The following TRIP11 variants were observed in gnomAD, a reference collection of about 807,000 sequenced individuals.
TRIP11 encodes thyroid hormone receptor interactor 11.
TRIP11 carries 148 observed loss-of-function variants against 223.1 expected under a neutral mutation model. The observed-to-expected ratio is 0.66, with a 90% CI of 0.58 to 0.76. The LOEUF (loss-of-function observed/expected upper bound fraction) is 0.76. TRIP11 is among the 30% of genes least tolerant of loss of function. The probability of loss-of-function intolerance (pLI) is 0.00; values close to 1 mark genes in which losing one functional copy is unlikely to be tolerated. For synonymous variants in TRIP11, 762 were observed against 772.6 expected (o/e 0.99, Z 0.23); for missense variants, 2,043 against 2,222.0 (o/e 0.92, Z 1.62).
chr14:91,996,045 T>C (rs764777311), intron 13 of TRIP11, among the ~76,000 whole-genome samples: 8 of 152,222 alleles, frequency 5.3e-5, no homozygotes, highest in Admixed American at 2.0e-4. Context: ...AAGTGTACAG[T>C]TCAGTGGCAC....
rs147350763 is a variant in TRIP11, at chr14:92,014,440, T to C, written c.961A>G (p.Lys321Glu). 1.5e-5 allele frequency: 24 copies of C among 1,604,470 alleles called. No individual in the cohort carries two copies. The African/African-American group carries it at 2.0e-4, about 13-fold the overall frequency. ...LEDKIKDINK[K>E]LSSAENDRDI... is the part of the protein sequence containing the mutation. Reference sequence around the variant, plus strand: ...CTGTCATTTTCTGCAGAAGATAATTTTTTATTTATATCTTTTATTTTATCC... The same window carrying C: ...CTGTCATTTTCTGCAGAAGATAATTCTTTATTTATATCTTTTATTTTATCC... Residue 321 changes from lysine to glutamate, a missense_variant, in exon 7 of 21, where the codon AAA becomes GAA. By Grantham distance (56) the Lys-to-Glu change is moderately conservative (BLOSUM62 1). Transcript: ENST00000267622.
rs577338541 is a variant in TRIP11 at position 91,978,705 on chromosome 14, C to T, written c.5261-2516G>A. On this transcript the variant is annotated intron_variant, in intron 16 of 20. Transcript: ENST00000267622. This position sits in a 1 kb window ranked among gnomAD's most constrained non-coding sequence, Gnocchi z 4.4. ...GTAGAGATGGGGTCTCACGATATTG[C>T]CTGGGCTGATCTCAAACTCCTGCGT... 2.6e-5 allele frequency among the ~76,000 whole-genome samples: 4 copies of T among 152,180 alleles called. No individual in the cohort carries two copies. The highest frequency in any genetic ancestry group is 1.5e-5 in the Non-Finnish European group (1 of 68,008).
intron 15 of TRIP11, among the ~76,000 whole-genome samples, chr14:91,990,800 G>C (rs2056662182): frequency 6.6e-6 from 1 of 152,184 alleles, no homozygotes; most frequent in Non-Finnish European, 1.5e-5. Flanking sequence ...AACAAAGCAA[G>C]ACTCTGTCTC....
In TRIP11 at chr14:91,992,845, T is replaced by C. The variant is rs915063076; in HGVS notation, c.5160+964A>G. Among the ~76,000 whole-genome samples, 11 of 133,914 alleles carry C rather than the reference T, an allele frequency of 8.2e-5. No individual in the cohort carries two copies. The South Asian group carries it at 1.6e-3, about 19-fold the overall frequency. The allele number at this position is 133,914 out of a possible 152,430, so 87.9% of individuals were successfully genotyped here. Reference sequence around the variant, plus strand: ...AAAGGCGTGAACCCAGGAGGGGGAGTTTGCAGTGAGCCGAGATCGCGCTAC... The same window carrying C: ...AAAGGCGTGAACCCAGGAGGGGGAGCTTGCAGTGAGCCGAGATCGCGCTAC... On this transcript the variant is annotated intron_variant, in intron 15 of 20. Coordinates refer to ENST00000267622, the MANE Select transcript of TRIP11 (RefSeq NM_004239.4).
At chr14:91,977,182 A>G (rs765065314) in intron 16 of TRIP11, 1 of 449,936 alleles carries the variant, frequency 2.2e-6, no homozygotes, top group South Asian at 1.6e-5. Flanking sequence ...AAGTTCCGTT[A>G]TCAGATATGA....
At chr14:92,010,854 A>T (rs900968172) in intron 9 of TRIP11, 132 bp downstream of exon 9, 1 of 871,724 alleles carries the variant, frequency 1.1e-6, no homozygotes. Flanking sequence ...CCTGAAAAGC[A>T]TCAGTGAGAT....
intron 14 of TRIP11, 58 bp from the exon 15 acceptor site, chr14:91,993,970 T>A: frequency 7.6e-7 from 1 of 1,318,052 alleles, no homozygotes; most frequent in Non-Finnish European, 1.1e-6. Flanking sequence ...AGTTAGAATG[T>A]TAAGCCATTT....
chr14:91,997,465 A>C (rs1040197590), intron 13 of TRIP11, among the ~76,000 whole-genome samples: 7 of 152,270 alleles, frequency 4.6e-5, no homozygotes, highest in African/African-American at 1.7e-4. Context: ...TATAAGACTC[A>C]AACTAAATAT....
chr14:92,025,516 C>A (rs79684725), intron 2 of TRIP11, 96 bp from the exon 3 acceptor site: 10 of 797,108 alleles, frequency 1.3e-5, no homozygotes, highest in African/African-American at 5.9e-5. Flanking sequence ...CTTTCCCCCC[C>A]CAAAAATGTC....
At chr14:92,003,393 T>C in intron 11 of TRIP11, 26 bp downstream of exon 11, 1 of 1,611,102 alleles carries the variant, frequency 6.2e-7, no homozygotes. Context: ...CCAACTTCCT[T>C]CTACAATACT....
chr14:91,977,870 C>A (rs1271518549), intron 16 of TRIP11, among the ~76,000 whole-genome samples: 1 of 152,050 alleles, frequency 6.6e-6, no homozygotes, highest in Non-Finnish European at 1.5e-5. Context: ...TCCTAAATTG[C>A]AAAAATCTAA....
At chr14:92,010,022 T>G (rs2056951818) in intron 9 of TRIP11, among the ~76,000 whole-genome samples, 2 of 152,246 alleles carry the variant, frequency 1.3e-5, no homozygotes, top group Non-Finnish European at 1.5e-5. Context: ...ATTAGGAATT[T>G]AAATTAAGAC....
At chr14:92,021,180 G>A (rs1404006222) in intron 4 of TRIP11, among the ~76,000 whole-genome samples, 1 of 151,562 alleles carries the variant, frequency 6.6e-6, no homozygotes, top group African/African-American at 2.4e-5. Flanking sequence ...ATCACCTAAG[G>A]TCAGGAGTTC....
intron 1 of TRIP11, among the ~76,000 whole-genome samples, chr14:92,038,965 T>A (rs563809890): frequency 6.6e-6 from 1 of 152,246 alleles, no homozygotes; most frequent in East Asian, 1.9e-4. Flanking sequence ...ACTGTCGAAA[T>A]ATGGGCGAAA....
At chr14:92,006,801 TG>T (rs2056909970) in intron 10 of TRIP11, among the ~76,000 whole-genome samples, 1 of 152,110 alleles carries the variant, frequency 6.6e-6, no homozygotes, top group African/African-American at 2.4e-5. Context: ...CCCGAGTAGC[TG>T]GGATTACAGG....
chr14:92,015,729 G>T lies in TRIP11; in HGVS notation c.790C>A (p.Arg264=), dbSNP rs267607138. The T allele has an allele frequency of 3.1e-6, 5 of 1,611,734 alleles. No homozygotes were observed. In the East Asian group the frequency reaches 6.7e-5, roughly 22 times the overall value. Residue 264 remains arginine (R), a synonymous_variant, in exon 6 of 21, where the codon CGA becomes AGA. Transcript: ENST00000267622. ...HREELSDYEE[R]IEELENLLQQ... ...AACAGATTTTCAAGTTCTTCAATTC[G>T]TTCTTCATAGTCACTTAATTCTTCT... is the stretch of plus-strand genomic sequence containing the variant.
At chr14:91,983,536 G>C (rs1292908672) in intron 16 of TRIP11, among the ~76,000 whole-genome samples, 1 of 152,126 alleles carries the variant, frequency 6.6e-6, no homozygotes, top group African/African-American at 2.4e-5. Context: ...TTTTTAAACT[G>C]CAATTTCTAA....
At chr14:91,970,751 A>G (rs190309470) in intron 20 of TRIP11, among the ~76,000 whole-genome samples, 1 of 152,304 alleles carries the variant, frequency 6.6e-6, no homozygotes, top group Admixed American at 6.5e-5. Flanking sequence ...TATTAAACAC[A>G]TTACAGCTCT....
chr14:91,995,024 T>C (rs1490326229), intron 14 of TRIP11, among the ~76,000 whole-genome samples: 12 of 151,808 alleles, frequency 7.9e-5, no homozygotes, highest in African/African-American at 2.7e-4. Flanking sequence ...TCTTTCTTTG[T>C]ATTCTCCTCT....
Sources: gnomAD v4.1 joint callset for allele counts (sites outside exome capture counted in the v4.1 genomes callset) on GRCh38, gnomAD v4.1.1 for gene constraint, Gnocchi (gnomAD v3.1) non-coding constraint, MANE v1.5 for transcripts, NCBI Gene and HGNC (gene_info 2026-07-23, HGNC 2026-07-21) for gene names.